Variants in TSBP1 observed in about 807,000 individuals in gnomAD.
TSBP1 encodes the protein testis expressed basic protein 1.
A neutral mutation model predicts 68.8 loss-of-function variants in TSBP1; 56 were observed. The ratio of observed to expected loss-of-function variants is 0.81; its 90% CI spans 0.66 to 1.02. The LOEUF is 1.02. Ranked by LOEUF, TSBP1 falls within the 50% of genes least tolerant of loss-of-function variation. The pLI is 0.00. For missense variants in TSBP1, 502 were observed against 641.2 expected (o/e 0.78, Z 2.34); for synonymous variants, 171 against 208.7 (o/e 0.82, Z 1.56).
rs1770567215 is a variant in TSBP1, at chr6:32,343,104, G to C, written c.350-3466C>G. On this transcript the variant is annotated intron_variant, in intron 9 of 22. Coordinates refer to ENST00000612031, the Ensembl canonical transcript of TSBP1. This position sits in a 1 kb window ranked among gnomAD's most constrained non-coding sequence, Gnocchi z 4.3. ...GTTAAGATGGCTAATGAAGGACAAG[G>C]TGGAGAATTATGAGTCTTAAGCCCT... 1 of 450,162 alleles carries C rather than the reference G, an allele frequency of 2.2e-6. No homozygotes were observed. Among genetic ancestry groups the C allele is most frequent in the African/African-American group, 2.0e-5 (1 of 49,436 alleles). 27.9% of individuals were successfully genotyped at this position (450,162 alleles called of 1,614,324 possible). A position where few individuals can be genotyped will look rare whatever the true frequency, so the allele number is the denominator to read the frequency against.
chr6:32,367,265 A>AGAGAG lies in TSBP1; in HGVS notation c.166+659_166+660insCTCTC, dbSNP rs9281758. 3.8e-3 allele frequency among the ~76,000 whole-genome samples: 446 copies of AGAGAG among 117,812 alleles called. 3 individuals are homozygous for AGAGAG. Among genetic ancestry groups the AGAGAG allele is most frequent in the African/African-American group, 9.0e-3 (309 of 34,290 alleles). 77.3% of individuals were successfully genotyped at this position (117,812 alleles called of 152,430 possible). A position where few individuals can be genotyped will look rare whatever the true frequency, so the allele number is the denominator to read the frequency against. ...GGAAAGAGAGAGAGAGAGAGAGAGA[A>AGAGAG]AGAGAGAGAGAGACAGCCGAGGGAA... On this transcript the variant is annotated intron_variant, in intron 4 of 22. Coordinates refer to ENST00000612031, the Ensembl canonical transcript of TSBP1.
At position 32,367,972 on chromosome 6, in the gene TSBP1, A is replaced by G. The variant is rs1468449051; in HGVS notation, c.134-15T>C. The stretch of plus-strand genomic sequence containing the variant: ...AAGTCTAGCACCTAGAAAAAAAGGG[A>G]GAGCACATGATTTTGCTTCTTGATT... On this transcript the variant is annotated splice_polypyrimidine_tract_variant and intron_variant, in intron 3 of 22. Coordinates refer to ENST00000612031, the Ensembl canonical transcript of TSBP1. 2 of 1,598,210 alleles carry G rather than the reference A, an allele frequency of 1.3e-6. No individual in the cohort carries two copies. The highest frequency in any genetic ancestry group is 1.4e-5 in the African/African-American group (1 of 71,136).
Position 32,316,431 on chromosome 6 carries a change from T to C in TSBP1, c.560-639A>G. ...CCAGCTGACCTAAAAAAATTAGATA[T>C]CAGTGAAGATTTGTTTGAAAGGAGC... is the stretch of plus-strand genomic sequence containing the variant. On this transcript the variant is annotated intron_variant, in intron 18 of 22. Transcript: ENST00000612031. The surrounding 1 kb of genome is among the most constrained non-coding windows in gnomAD (Gnocchi z 4.5). The C allele has an allele frequency of 6.4e-7, 1 of 1,550,410 alleles. No individual in the cohort carries two copies. The highest frequency in any genetic ancestry group is 8.7e-7 in the Non-Finnish European group (1 of 1,146,134).
chr6:32,309,042 C>A (rs1184591020), intron 19 of TSBP1, among the ~76,000 whole-genome samples: 3 of 150,120 alleles, frequency 2.0e-5, no homozygotes, highest in Non-Finnish European at 4.4e-5. Flanking sequence ...TTTGACCTCC[C>A]AGGCTCGAGC....
chr6:32,367,265 A>AG lies in TSBP1; in HGVS notation c.166+659_166+660insC, dbSNP rs9281758. On this transcript the variant is annotated intron_variant, in intron 4 of 22. Coordinates refer to ENST00000612031, the Ensembl canonical transcript of TSBP1. ...GGAAAGAGAGAGAGAGAGAGAGAGAAAGAGAGAGAGAGACAGCCGAGGGAA... is the reference window on the plus strand; with the variant it reads ...GGAAAGAGAGAGAGAGAGAGAGAGAAGAGAGAGAGAGAGACAGCCGAGGGAA... 8.4e-3 allele frequency among the ~76,000 whole-genome samples: 988 copies of AG among 117,746 alleles called. 16 individuals carry two copies. Among genetic ancestry groups the AG allele is most frequent in the African/African-American group, 0.021 (715 of 34,284 alleles). 77.2% of individuals were successfully genotyped at this position (117,746 alleles called of 152,430 possible). A position where few individuals can be genotyped will look rare whatever the true frequency, so the allele number is the denominator to read the frequency against.
intron 4 of TSBP1, 134 bp downstream of exon 4, chr6:32,367,791 T>G: frequency 7.3e-6 from 4 of 546,502 alleles, no homozygotes; most frequent in East Asian, 3.2e-5. Flanking sequence ...AAGAGAGGAG[T>G]GATAAGCATT....
At position 32,357,535 on chromosome 6, in the gene TSBP1, T is replaced by C. The variant is rs925436092; in HGVS notation, c.218-1866A>G. The stretch of plus-strand genomic sequence containing the variant: ...ACTTTATTCATTTAAGAGGTACTTA[T>C]TAAGGATCTCCCTCGCTGTGGTGAG... On this transcript the variant is annotated intron_variant, in intron 6 of 22. Transcript: ENST00000612031. The surrounding 1 kb of genome is among the most constrained non-coding windows in gnomAD (Gnocchi z 4.7). Among the ~76,000 whole-genome samples, 2 of 152,180 alleles carry C rather than the reference T, an allele frequency of 1.3e-5. No homozygotes were observed. Among genetic ancestry groups the C allele is most frequent in the African/African-American group, 4.8e-5 (2 of 41,446 alleles).
intron 16 of TSBP1, among the ~76,000 whole-genome samples, chr6:32,328,640 C>T (rs1768559180): frequency 6.6e-6 from 1 of 151,990 alleles, no homozygotes; most frequent in Admixed American, 6.5e-5. Flanking sequence ...TGGTCTTGAA[C>T]TTCTGACCTC....
chr6:32,314,328 G>T lies in TSBP1; in HGVS notation c.580+1444C>A, dbSNP rs1268297301. On this transcript the variant is annotated intron_variant, in intron 19 of 22. Coordinates refer to ENST00000612031, the Ensembl canonical transcript of TSBP1. The surrounding 1 kb of genome is among the most constrained non-coding windows in gnomAD (Gnocchi z 4.2). The stretch of plus-strand genomic sequence containing the variant: ...CATTATTTCCCTGCCCATCCTCTTT[G>T]ATGACTCCTCTGAAAAGGACACTAT... Among the ~76,000 whole-genome samples the T allele has an allele frequency of 6.6e-6, 1 of 152,066 alleles. No individual in the cohort carries two copies. The highest frequency in any genetic ancestry group is 2.4e-5 in the African/African-American group (1 of 41,386).
Position 32,336,736 on chromosome 6 carries a change from GAACAA to G in TSBP1, c.410-106_410-102del. 1 of 1,044,714 alleles carries G rather than the reference GAACAA, an allele frequency of 9.6e-7. No homozygotes were observed. Among genetic ancestry groups the G allele is most frequent in the Middle Eastern group, 2.0e-4 (1 of 4,930 alleles). 64.7% of individuals were successfully genotyped at this position (1,044,714 alleles called of 1,614,324 possible). A position where few individuals can be genotyped will look rare whatever the true frequency, so the allele number is the denominator to read the frequency against. The stretch of plus-strand genomic sequence containing the variant: ...ACTATGAAGCAATTCAACCAGAGGA[GAACAA>G]CTACTGTGGGACTGCAGATGATCTT... On this transcript the variant is annotated intron_variant, in intron 11 of 22. Coordinates refer to ENST00000612031, the Ensembl canonical transcript of TSBP1. The surrounding 1 kb of genome is among the most constrained non-coding windows in gnomAD (Gnocchi z 5.2).
rs1290712546 is a variant in TSBP1, at chr6:32,369,921, T to A, written c.76A>T (p.Arg26Ter). Residue 26 changes from arginine (R) to a stop codon, truncating the protein, a stop_gained, in exon 2 of 23, where the codon AGA (arginine) becomes TGA (stop). Coordinates refer to ENST00000612031, the Ensembl canonical transcript of TSBP1. LOFTEE classifies it high-confidence loss of function. ...CCACTTTGCTTACATCGTGCCCATC[T>A]TGTTAACAAAATAGCCAGGATGGCA... 5 of 1,610,854 alleles carry A rather than the reference T, an allele frequency of 3.1e-6. No homozygotes were observed. The highest frequency in any genetic ancestry group is 3.4e-6 in the Non-Finnish European group (4 of 1,177,982).
rs1773616774 is a variant in TSBP1 at position 32,365,616 on chromosome 6, G to A, written c.217+551C>T. 2 of 456,448 alleles carry A rather than the reference G, an allele frequency of 4.4e-6. No individual in the cohort carries two copies. Among genetic ancestry groups the A allele is most frequent in the South Asian group, 1.5e-5 (1 of 64,548 alleles). The allele number at this position is 456,448 out of a possible 1,614,324, so 28.3% of individuals were successfully genotyped here. On this transcript the variant is annotated intron_variant, in intron 6 of 22. Transcript: ENST00000612031. The surrounding 1 kb of genome is among the most constrained non-coding windows in gnomAD (Gnocchi z 4.3). ...GGGCTTATCGGACAGCATCCTGAAT[G>A]GCTGGGGGATGTGGGCACTCATTAA...
rs1765615066 is a variant in TSBP1, at chr6:32,304,692, T to C, written c.581-2063A>G. Among the ~76,000 whole-genome samples the C allele has an allele frequency of 6.6e-6, 1 of 152,194 alleles. No homozygotes were observed. The highest frequency in any genetic ancestry group is 2.4e-5 in the African/African-American group (1 of 41,458). On this transcript the variant is annotated intron_variant, in intron 19 of 22. Transcript: ENST00000612031. This position sits in a 1 kb window ranked among gnomAD's most constrained non-coding sequence, Gnocchi z 4.8. ...CATCGTCTTTTTTGTCTTTTCATGTTTTCTCTTCCTTTCAAATCTCTACCA... is the reference window on the plus strand; with the variant it reads ...CATCGTCTTTTTTGTCTTTTCATGTCTTCTCTTCCTTTCAAATCTCTACCA...
rs137931178 is a variant in TSBP1, at chr6:32,361,373, A to G, written c.217+4794T>C. Among the ~76,000 whole-genome samples the G allele has an allele frequency of 8.7e-3, 1,319 of 150,838 alleles. 16 individuals carry two copies. The highest frequency in any genetic ancestry group is 0.031 in the Middle Eastern group (9 of 292). ...ATGTGTCTTTATAGTAGCATGATTTATAATCCTTTGGGTATATACCCAATA... is the reference window on the plus strand; with the variant it reads ...ATGTGTCTTTATAGTAGCATGATTTGTAATCCTTTGGGTATATACCCAATA... On this transcript the variant is annotated intron_variant, in intron 6 of 22. Transcript: ENST00000612031. The surrounding 1 kb of genome is among the most constrained non-coding windows in gnomAD (Gnocchi z 4.3).
Position 32,336,768 on chromosome 6 carries a change from G to T in TSBP1, c.410-133C>A. 1.4e-6 allele frequency: 1 copy of T among 732,278 alleles called. No homozygotes were observed. The allele number at this position is 732,278 out of a possible 1,614,324, so 45.4% of individuals were successfully genotyped here. ...TACTGTGGGACTGCAGATGATCTTA[G>T]CCTGGAAGCTGCATAACCCTCCTAC... On this transcript the variant is annotated intron_variant, in intron 11 of 22. Coordinates refer to ENST00000612031, the Ensembl canonical transcript of TSBP1. This position sits in a 1 kb window ranked among gnomAD's most constrained non-coding sequence, Gnocchi z 5.2.
chr6:32,347,597 C>T (rs1771197545), intron 9 of TSBP1, among the ~76,000 whole-genome samples: 1 of 152,188 alleles, frequency 6.6e-6, no homozygotes. Context: ...CCATTTCATT[C>T]TCTACCAGAA....
In TSBP1 at chr6:32,367,975, G is replaced by A. The variant is rs141429235; in HGVS notation, c.134-18C>T. 690 of 1,590,508 alleles carry A rather than the reference G, an allele frequency of 4.3e-4. 2 individuals are homozygous for A. Among genetic ancestry groups the A allele is most frequent in the South Asian group, 3.2e-3 (284 of 89,542 alleles). On this transcript the variant is annotated intron_variant, in intron 3 of 22. Coordinates refer to ENST00000612031, the Ensembl canonical transcript of TSBP1. ...TCTAGCACCTAGAAAAAAAGGGAGAGCACATGATTTTGCTTCTTGATTATT... is the reference window on the plus strand; with the variant it reads ...TCTAGCACCTAGAAAAAAAGGGAGAACACATGATTTTGCTTCTTGATTATT...
intron 19 of TSBP1, among the ~76,000 whole-genome samples, chr6:32,303,882 T>C (rs1449570533): frequency 6.6e-6 from 1 of 152,188 alleles, no homozygotes; most frequent in Admixed American, 6.5e-5. Context: ...TCTACTCCCA[T>C]TTGCTACATC....
At chr6:32,300,840 T>G in intron 20 of TSBP1, 140 bp from the exon 24 acceptor site, 1 of 723,322 alleles carries the variant, frequency 1.4e-6, no homozygotes, top group Non-Finnish European at 2.4e-6. Flanking sequence ...TTCATTTCCC[T>G]TCCCCCTTCT....
Sources: gnomAD v4.1 joint callset for allele counts (sites outside exome capture counted in the v4.1 genomes callset) on GRCh38, gnomAD v4.1.1 for gene constraint, Gnocchi (gnomAD v3.1) non-coding constraint, MANE v1.5 for transcripts, NCBI Gene and HGNC (gene_info 2026-07-23, HGNC 2026-07-21) for gene names.